PDS5A: variants seen among roughly 807,000 people sequenced by gnomAD.
PDS5A encodes sister chromatid cohesion protein PDS5 homolog A.
A neutral mutation model predicts 167.1 loss-of-function variants in PDS5A; 42 were observed. The observed-to-expected ratio is 0.25, with a 90% CI of 0.20 to 0.33. The LOEUF is 0.33. Among genes scored for constraint, PDS5A ranks in the 10% least tolerant of loss-of-function variants. The pLI is 1.00. For missense variants in PDS5A, 1,033 were observed against 1,605.9 expected (o/e 0.64, Z 6.10); for synonymous variants, 553 against 554.6 (o/e 1.00, Z 0.04).
At chr4:39,857,015 T>A (rs1718581036) in intron 26 of PDS5A, among the ~76,000 whole-genome samples, 1 of 151,826 alleles carries the variant, frequency 6.6e-6, no homozygotes, top group Non-Finnish European at 1.5e-5. Context: ...TCAAACTAGG[T>A]TGTTAGAAGT....
intron 17 of PDS5A, among the ~76,000 whole-genome samples, chr4:39,881,924 A>G (rs1578661042): frequency 6.6e-6 from 1 of 152,220 alleles, no homozygotes; most frequent in African/African-American, 2.4e-5. Flanking sequence ...GGTACTGAAT[A>G]AATCTCAGGA....
rs746304788 is a variant in PDS5A, at chr4:39,841,955, T to C, written c.3650A>G (p.Lys1217Arg). ...VTPVKNIDPV[K>R]NKEINSDQAT... ...TTAAATTTTAAAATTTACCTTATTC[T>C]TTACTGGGTCAATATTCTTTACAGG... Residue 1217 changes from lysine to arginine, a missense_variant, in exon 31 of 33, where the codon AAG (lysine) becomes AGG (arginine). This residue lies in a region of PDS5A where 233 missense variants were observed against 264.0 expected (regional missense o/e 0.88). Transcript: ENST00000303538. The C allele has an allele frequency of 1.3e-6, 2 of 1,547,702 alleles. No individual in the cohort carries two copies. Among genetic ancestry groups the C allele is most frequent in the African/African-American group, 1.4e-5 (1 of 73,662 alleles).
chr4:39,871,661 C>T (rs1720042213), intron 21 of PDS5A, among the ~76,000 whole-genome samples: 2 of 152,138 alleles, frequency 1.3e-5, no homozygotes, highest in Non-Finnish European at 1.5e-5. Flanking sequence ...TCAATAACAA[C>T]AGATTTAATT....
intron 2 of PDS5A, among the ~76,000 whole-genome samples, chr4:39,939,479 GAAA>G (rs141707821): frequency 6.9e-6 from 1 of 144,536 alleles, no homozygotes; most frequent in Non-Finnish European, 1.6e-5. Flanking sequence ...AACCTAAAAT[GAAA>G]AAAAAAATTT....
At chr4:39,864,379 T>C (rs924519926) in intron 23 of PDS5A, among the ~76,000 whole-genome samples, 1 of 152,124 alleles carries the variant, frequency 6.6e-6, no homozygotes, top group African/African-American at 2.4e-5. Flanking sequence ...CTGGGGCTGA[T>C]CTCCTTTTGC....
At chr4:39,939,517 G>A (rs1239659940) in intron 2 of PDS5A, among the ~76,000 whole-genome samples, 2 of 151,522 alleles carry the variant, frequency 1.3e-5, no homozygotes, top group East Asian at 3.9e-4. Context: ...TACTGCGGCT[G>A]GGCAAAGTGG....
chr4:39,909,425 T>G (rs1402966508), intron 10 of PDS5A, among the ~76,000 whole-genome samples: 1 of 152,190 alleles, frequency 6.6e-6, no homozygotes, highest in African/African-American at 2.4e-5. Context: ...ATGCCCATAG[T>G]TACATTTTAA....
intron 8 of PDS5A, among the ~76,000 whole-genome samples, chr4:39,915,030 T>C (rs771249525): frequency 7.0e-6 from 1 of 143,376 alleles, no homozygotes; most frequent in Non-Finnish European, 1.5e-5. Context: ...TAATTTTAAA[T>C]GACAAAAATG....
intron 7 of PDS5A, among the ~76,000 whole-genome samples, chr4:39,918,889 T>A (rs1724660099): frequency 6.6e-6 from 1 of 152,066 alleles, no homozygotes; most frequent in Non-Finnish European, 1.5e-5. Flanking sequence ...TATCAAAAAA[T>A]TCATATTTAC....
At chr4:39,969,512 C>T (rs1168366307) in intron 2 of PDS5A, among the ~76,000 whole-genome samples, 1 of 152,040 alleles carries the variant, frequency 6.6e-6, no homozygotes, top group Non-Finnish European at 1.5e-5. Context: ...ACTAAAAATA[C>T]AAAGTTAGCC....
intron 2 of PDS5A, among the ~76,000 whole-genome samples, chr4:39,953,740 G>C (rs1462470267): frequency 6.6e-6 from 1 of 151,988 alleles, no homozygotes; most frequent in Non-Finnish European, 1.5e-5. Flanking sequence ...AAAAGAATAA[G>C]TAAAGTAAAA....
rs1341920885 is a variant in PDS5A, at chr4:39,926,004, A to G, written c.430-71T>C. The G allele has an allele frequency of 8.9e-6, 4 of 447,264 alleles. No individual in the cohort carries two copies. In the East Asian group the frequency reaches 1.7e-4, roughly 19 times the overall value. 27.7% of individuals were successfully genotyped at this position (447,264 alleles called of 1,614,324 possible). A position where few individuals can be genotyped will look rare whatever the true frequency, so the allele number is the denominator to read the frequency against. On this transcript the variant is annotated intron_variant, in intron 4 of 32. Coordinates refer to ENST00000303538, the MANE Select transcript of PDS5A (RefSeq NM_001100399.2). The stretch of plus-strand genomic sequence containing the variant: ...TAGTTATATAATAAAAAACTCAGTA[A>G]AAAATTAATTTTTAGAGTTAGAAAC...
intron 4 of PDS5A, among the ~76,000 whole-genome samples, chr4:39,926,485 T>A (rs1213482129): frequency 1.4e-5 from 2 of 144,524 alleles, no homozygotes; most frequent in Non-Finnish European, 3.0e-5. Flanking sequence ...GCCATTGCAC[T>A]CCAGTCTTGG....
chr4:39,917,012 A>C, intron 8 of PDS5A, 36 bp downstream of exon 8: 1 of 1,321,252 alleles, frequency 7.6e-7, no homozygotes, highest in Non-Finnish European at 9.9e-7. Context: ...GAAACAAAAA[A>C]ATTAAAAAAA....
Position 39,923,638 on chromosome 4 carries a change from A to AACAC in PDS5A, c.528-894_528-891dup, listed in dbSNP as rs10664167. Among the ~76,000 whole-genome samples, 764 of 125,272 alleles carry AACAC rather than the reference A, an allele frequency of 6.1e-3. 9 individuals are homozygous for AACAC. The highest frequency in any genetic ancestry group is 0.017 in the South Asian group (56 of 3,334). 82.2% of individuals were successfully genotyped at this position (125,272 alleles called of 152,430 possible). On this transcript the variant is annotated intron_variant, in intron 5 of 32. Coordinates refer to ENST00000303538, the MANE Select transcript of PDS5A (RefSeq NM_001100399.2). Reference sequence around the variant, plus strand: ...GGGACAGACCAAGACCCTGTCTCAAAACACACACACACACACACACACACA... The same window carrying AACAC: ...GGGACAGACCAAGACCCTGTCTCAAAACACACACACACACACACACACACACACA...
chr4:39,878,138 G>A (rs538064840), intron 18 of PDS5A, among the ~76,000 whole-genome samples: 3 of 152,164 alleles, frequency 2.0e-5, no homozygotes, highest in African/African-American at 7.2e-5. Context: ...GGGAGAAAGG[G>A]GAATGAGCAG....
In PDS5A at chr4:39,863,005, G is replaced by A; in HGVS notation, c.2835C>T (p.Leu945=). The A allele has an allele frequency of 6.2e-7, 1 of 1,613,508 alleles. No homozygotes were observed. Among genetic ancestry groups the A allele is most frequent in the Non-Finnish European group, 8.5e-7 (1 of 1,179,536 alleles). Residue 945 remains leucine, a synonymous_variant, in exon 25 of 33, where the codon CTC becomes CTT. Coordinates refer to ENST00000303538, the MANE Select transcript of PDS5A (RefSeq NM_001100399.2). ...KLHKALVKLL[L]PLEYMAIFAL... ...CAAAGATCGCCATATACTCCAATGG[G>A]AGCAGTAACTTCACAAGTGCCTTAT...
At chr4:39,880,328 TAA>T (rs1485774167) in intron 17 of PDS5A, among the ~76,000 whole-genome samples, 1 of 152,144 alleles carries the variant, frequency 6.6e-6, no homozygotes, top group East Asian at 1.9e-4. Flanking sequence ...GCTGTATTTA[TAA>T]AGATTCATTA....
At chr4:39,889,214 GA>G (rs1326954396) in intron 17 of PDS5A, among the ~76,000 whole-genome samples, 1 of 152,198 alleles carries the variant, frequency 6.6e-6, no homozygotes, top group Non-Finnish European at 1.5e-5. Context: ...CGTGCACAGA[GA>G]AAAGACCACA....
Sources: allele counts gnomAD v4.1 joint callset (sites outside exome capture counted in the v4.1 genomes callset), GRCh38; gene constraint gnomAD v4.1.1; regional missense constraint gnomAD v4.1.1; transcripts MANE v1.5; gene names NCBI Gene and HGNC (gene_info 2026-07-23, HGNC 2026-07-21).